Variants in NLGN4X observed in about 807,000 individuals in gnomAD.
NLGN4X encodes the protein neuroligin-4, X-linked.
NLGN4X carries 3 observed loss-of-function variants against 40.3 expected under a neutral mutation model. The ratio of observed to expected loss-of-function variants is 0.07; its 90% CI spans 0.03 to 0.19. The LOEUF is 0.19. NLGN4X is among the 10% of genes least tolerant of loss of function. The probability of loss-of-function intolerance (pLI) is 1.00; values close to 1 mark genes in which losing one functional copy is unlikely to be tolerated. For synonymous variants in NLGN4X, 270 were observed against 306.8 expected, an observed-to-expected ratio of 0.88 and a Z score of 1.25; for missense variants, 382 against 708.3, an observed-to-expected ratio of 0.54 and a Z score of 5.23.
chrX:5,976,883 T>C (rs772308041), intron 3 of NLGN4X, among the ~76,000 whole-genome samples: 7 of 113,023 alleles, frequency 6.2e-5, no homozygotes, highest in Non-Finnish European at 1.1e-4. Context: ...GATGACCAAC[T>C]CAGTGTCACT....
At chrX:6,208,888 G>A (rs1047874914) in intron 1 of NLGN4X, among the ~76,000 whole-genome samples, 4 of 111,723 alleles carry the variant, frequency 3.6e-5, no homozygotes, top group African/African-American at 9.8e-5. Context: ...GGGTATCTAC[G>A]CAAATAAAAA....
chrX:6,030,433 A>T (rs1433813246), intron 2 of NLGN4X, among the ~76,000 whole-genome samples: 1 of 56,661 alleles, frequency 1.8e-5, no homozygotes, highest in African/African-American at 6.5e-5. Flanking sequence ...TACAATTTAA[A>T]TATCTTTGTA....
At chrX:5,921,371 C>G (rs1445665075) in intron 3 of NLGN4X, among the ~76,000 whole-genome samples, 2 of 89,948 alleles carry the variant, frequency 2.2e-5, no homozygotes, top group African/African-American at 8.3e-5. Context: ...CTGTATGACT[C>G]AGCGGCATTG....
chrX:5,940,113 C>T (rs938274112), intron 3 of NLGN4X, among the ~76,000 whole-genome samples: 2 of 110,032 alleles, frequency 1.8e-5, no homozygotes, highest in Admixed American at 2.0e-4. Context: ...CATTATTTCT[C>T]ATGCATTTCT....
intron 2 of NLGN4X, among the ~76,000 whole-genome samples, chrX:6,136,514 C>T (rs757485056): frequency 1.8e-5 from 2 of 111,811 alleles, no homozygotes; most frequent in East Asian, 5.6e-4. Context: ...GGACTGAAAG[C>T]CTCTGTTCCT....
intron 3 of NLGN4X, among the ~76,000 whole-genome samples, chrX:5,959,133 A>T (rs752048555): frequency 7.1e-4 from 79 of 111,940 alleles, no homozygotes; most frequent in African/African-American, 2.3e-3. Flanking sequence ...AACTTGTGAG[A>T]GGTACAACTT....
chrX:6,163,484 A>T (rs1251801622), intron 1 of NLGN4X, among the ~76,000 whole-genome samples: 2 of 111,453 alleles, frequency 1.8e-5, no homozygotes, highest in Non-Finnish European at 3.8e-5. Flanking sequence ...TTGCTTTTCA[A>T]CTGTTACCAT....
At chrX:6,134,351 A>G (rs1367537611) in intron 2 of NLGN4X, among the ~76,000 whole-genome samples, 2 of 111,762 alleles carry the variant, frequency 1.8e-5, no homozygotes, top group Non-Finnish European at 3.8e-5. Context: ...TCTGTCTGAA[A>G]TGACTCTCCT....
intron 2 of NLGN4X, among the ~76,000 whole-genome samples, chrX:6,116,359 T>C (rs1421278126): frequency 1.0e-5 from 1 of 95,755 alleles, no homozygotes; most frequent in East Asian, 3.3e-4. Flanking sequence ...ACGTCCACTT[T>C]CATTCAACAA....
chrX:5,984,267 T>C (rs775001269), intron 3 of NLGN4X, among the ~76,000 whole-genome samples: 2 of 111,165 alleles, frequency 1.8e-5, no homozygotes, highest in East Asian at 5.6e-4. Context: ...ATTTGATGCA[T>C]TGGTTTAACC....
At chrX:6,112,357 C>T (rs977593768) in intron 2 of NLGN4X, among the ~76,000 whole-genome samples, 1 of 111,061 alleles carries the variant, frequency 9.0e-6, no homozygotes, top group African/African-American at 3.3e-5. Flanking sequence ...AAAAAAGTTA[C>T]GTAAACACAA....
chrX:6,157,882 T>C (rs1228369420), intron 1 of NLGN4X, among the ~76,000 whole-genome samples: 2 of 111,124 alleles, frequency 1.8e-5, no homozygotes, highest in African/African-American at 6.6e-5. Context: ...ATCACTATGC[T>C]AGGTAAGGGT....
chrX:6,117,466 G>C (rs997211023), intron 2 of NLGN4X, among the ~76,000 whole-genome samples: 3 of 110,900 alleles, frequency 2.7e-5, no homozygotes, highest in African/African-American at 6.6e-5. Flanking sequence ...TCCGTCTCCA[G>C]CTCCTCCACA....
intron 1 of NLGN4X, among the ~76,000 whole-genome samples, chrX:6,179,099 A>AAGGAAGG (rs1921123557): frequency 1.3e-5 from 1 of 78,205 alleles, no homozygotes; most frequent in African/African-American, 6.4e-5. Flanking sequence ...ACCCTGAAAA[A>AAGGAAGG]AAGGAAGGAA....
intron 2 of NLGN4X, among the ~76,000 whole-genome samples, chrX:6,114,521 AACACAC>A (rs529608747): frequency 0.047 from 4,446 of 95,517 alleles, 278 homozygotes; most frequent in African/African-American, 0.15. Flanking sequence ...CAAAGTGGCA[AACACAC>A]ACACACACAC....
intron 1 of NLGN4X, among the ~76,000 whole-genome samples, chrX:6,181,130 G>A (rs375535663): frequency 9.0e-6 from 1 of 111,039 alleles, no homozygotes; most frequent in Admixed American, 9.6e-5. Flanking sequence ...GTAGGCCTGT[G>A]GGGAATAAGG....
At chrX:6,192,648 C>T (rs1922647815) in intron 1 of NLGN4X, among the ~76,000 whole-genome samples, 1 of 111,567 alleles carries the variant, frequency 9.0e-6, no homozygotes, top group Non-Finnish European at 1.9e-5. Context: ...AGCATGCAAA[C>T]AGAATGAAGG....
chrX:6,053,076 G>A (rs955956756), intron 2 of NLGN4X, among the ~76,000 whole-genome samples: 6 of 111,960 alleles, frequency 5.4e-5, no homozygotes, highest in African/African-American at 1.9e-4. Context: ...CATATTACAT[G>A]TGAAATTATA....
intron 2 of NLGN4X, among the ~76,000 whole-genome samples, chrX:6,121,283 C>T (rs1458488560): frequency 1.9e-5 from 2 of 104,280 alleles, no homozygotes; most frequent in East Asian, 6.1e-4. Context: ...TTTGAATTAC[C>T]CTATGACTAA....
Sources: gnomAD v4.1 joint callset for allele counts (sites outside exome capture counted in the v4.1 genomes callset) on GRCh38, gnomAD v4.1.1 for gene constraint, MANE v1.5 for transcripts, NCBI Gene and HGNC (gene_info 2026-07-23, HGNC 2026-07-21) for gene names.